SLC17A9: variants seen among roughly 807,000 people sequenced by gnomAD.
SLC17A9 encodes solute carrier family 17 member 9, also known as voltage-gated purine nucleotide uniporter SLC17A9.
Under a neutral mutation model 55.0 loss-of-function variants are expected in SLC17A9, and 49 were observed. The observed-to-expected ratio is 0.89, with a 90% confidence interval of 0.71 to 1.13. SLC17A9 has a LOEUF of 1.13. Among genes scored for constraint, SLC17A9 ranks in the 50% most tolerant of loss-of-function variants. The probability of loss-of-function intolerance (pLI) is 0.00; values close to 1 mark genes in which losing one functional copy is unlikely to be tolerated. For missense variants in SLC17A9, 526 were observed against 569.3 expected (o/e 0.92, Z 0.77); for synonymous variants, 256 against 247.4 (o/e 1.03, Z -0.32).
intron 12 of SLC17A9, chr20:62,967,002 C>T (rs1319306839): frequency 2.4e-5 from 14 of 576,602 alleles, no homozygotes; most frequent in Admixed American, 6.6e-5. Context: ...GGGACACCTC[C>T]TGGCCCCGCT....
chr20:62,955,050 T>G (rs1249750011), intron 1 of SLC17A9, among the ~76,000 whole-genome samples: 1 of 151,968 alleles, frequency 6.6e-6, no homozygotes, highest in African/African-American at 2.4e-5. Flanking sequence ...AACCTCGACC[T>G]CCTGGGCTCA....
At chr20:62,966,067 G>A (rs1837520802) in intron 10 of SLC17A9, among the ~76,000 whole-genome samples, 1 of 144,220 alleles carries the variant, frequency 6.9e-6, no homozygotes, top group East Asian at 2.1e-4. Flanking sequence ...CCAGTGGGTG[G>A]TTGGGGCTCG....
chr20:62,960,489 C>G lies in SLC17A9; in HGVS notation c.398-15C>G. ...CTGGATGGACCCTGAGAGACCCTCC[C>G]TCCACTTGTTGCAGGGGTTTACTTC... On this transcript the variant is annotated splice_polypyrimidine_tract_variant and intron_variant, in intron 3 of 12. Coordinates refer to ENST00000370351, the MANE Select transcript of SLC17A9 (RefSeq NM_022082.4). 1 of 1,608,540 alleles carries G rather than the reference C, an allele frequency of 6.2e-7. No homozygotes were observed. The highest frequency in any genetic ancestry group is 2.2e-5 in the East Asian group (1 of 44,750).
Position 62,963,369 on chromosome 20 carries a change from G to A in SLC17A9, c.725G>A (p.Trp242Ter). 2 of 1,613,298 alleles carry A rather than the reference G, an allele frequency of 1.2e-6. No individual in the cohort carries two copies. The highest frequency in any genetic ancestry group is 1.7e-6 in the Non-Finnish European group (2 of 1,179,844). ...CGGCTCTTCCGGAAGCCTGCTGTCT[G>A]GTGAGCTGGGACCTGTGCCACCCCT... ...WRRLFRKPAV[W>*]AAVVSQLSAA... is the part of the protein sequence containing the mutation. Residue 242 changes from tryptophan (W) to a stop codon, truncating the protein, a stop_gained and splice_region_variant, in exon 6 of 13, where the codon TGG becomes TAG. Transcript: ENST00000370351. LOFTEE classifies it high-confidence loss of function.
At chr20:62,955,277 A>G (rs1407217629) in intron 1 of SLC17A9, among the ~76,000 whole-genome samples, 3 of 150,536 alleles carry the variant, frequency 2.0e-5, no homozygotes, top group African/African-American at 7.4e-5. Context: ...CCTCCCAAGT[A>G]GCTGGGATTA....
chr20:62,965,353 C>A (rs1263106321), intron 9 of SLC17A9, among the ~76,000 whole-genome samples, 187 bp downstream of exon 9: 1 of 152,248 alleles, frequency 6.6e-6, no homozygotes, highest in Non-Finnish European at 1.5e-5. Context: ...AGGCTGGGGT[C>A]AGCATCCTGT....
chr20:62,960,165 A>ATG (rs1284592060), intron 3 of SLC17A9, among the ~76,000 whole-genome samples: 1 of 152,178 alleles, frequency 6.6e-6, no homozygotes, highest in Non-Finnish European at 1.5e-5. Context: ...GTGCAGGCGC[A>ATG]TGTGTGTGTG....
chr20:62,957,431 T>A lies in SLC17A9; in HGVS notation c.258-10T>A, dbSNP rs764002456. 1.3e-6 allele frequency: 2 copies of A among 1,568,806 alleles called. No individual in the cohort carries two copies. Among genetic ancestry groups the A allele is most frequent in the Non-Finnish European group, 1.7e-6 (2 of 1,159,518 alleles). On this transcript the variant is annotated splice_polypyrimidine_tract_variant and intron_variant, in intron 2 of 12. Coordinates refer to ENST00000370351, the MANE Select transcript of SLC17A9 (RefSeq NM_022082.4). The stretch of plus-strand genomic sequence containing the variant: ...AGCCACATCCTCACCTCCCTCTGTC[T>A]TCCCTCCAGGATTGGGGGTGAGAAG...
Position 62,956,819 on chromosome 20 carries a change from C to A in SLC17A9, c.114C>A (p.Tyr38Ter). 6.2e-7 allele frequency: 1 copy of A among 1,613,116 alleles called. No individual in the cohort carries two copies. Among genetic ancestry groups the A allele is most frequent in the African/African-American group, 1.3e-5 (1 of 75,060 alleles). Residue 38 changes from tyrosine to a stop codon, truncating the protein, a stop_gained, in exon 2 of 13, where the codon TAC becomes TAA. Coordinates refer to ENST00000370351, the MANE Select transcript of SLC17A9 (RefSeq NM_022082.4). LOFTEE classifies it high-confidence loss of function. The stretch of plus-strand genomic sequence containing the variant: ...TGCTGCTGGGCACATGCCTTCTGTA[C>A]TGCGCCCGCTCCAGCATGCCCATCT... ...GTLLLGTCLL[Y>*]CARSSMPICT...
intron 1 of SLC17A9, among the ~76,000 whole-genome samples, chr20:62,955,467 T>G (rs565316612): frequency 8.0e-4 from 121 of 152,194 alleles, no homozygotes; most frequent in Middle Eastern, 6.8e-3. Context: ...TTAAAGTTTT[T>G]TTTTGTTTTG....
chr20:62,960,359 C>T, intron 3 of SLC17A9, 145 bp from the exon 4 acceptor site: 1 of 719,838 alleles, frequency 1.4e-6, no homozygotes, highest in Non-Finnish European at 2.3e-6. Flanking sequence ...GCACCAAAAG[C>T]CCTGCCCTGC....
At chr20:62,963,140 C>T (rs975873753) in intron 5 of SLC17A9, 133 bp from the exon 6 acceptor site, 12 of 888,274 alleles carry the variant, frequency 1.4e-5, no homozygotes, top group Middle Eastern at 2.1e-4. Context: ...GGGAGGCTGG[C>T]GCCCATGTGC....
rs768556101 is a variant in SLC17A9, at chr20:62,956,908, GCTT to G, written c.209_211del (p.Phe70del). 3 of 1,613,688 alleles carry G rather than the reference GCTT, an allele frequency of 1.9e-6. 1 individual carries two copies. The South Asian group carries it at 3.3e-5, about 18-fold the overall frequency. On this transcript the variant is annotated inframe_deletion, in exon 2 of 13. Coordinates refer to ENST00000370351, the MANE Select transcript of SLC17A9 (RefSeq NM_022082.4). ...AAGGAGGCCGGCATCGTGCTCAGCA[GCTT>G]CTTCTGGGGCTACTGCCTGACACAG...
chr20:62,960,490 T>C lies in SLC17A9; in HGVS notation c.398-14T>C, dbSNP rs1448433238. 3 of 1,609,104 alleles carry C rather than the reference T, an allele frequency of 1.9e-6. No individual in the cohort carries two copies. The highest frequency in any genetic ancestry group is 2.5e-6 in the Non-Finnish European group (3 of 1,178,396). On this transcript the variant is annotated splice_polypyrimidine_tract_variant and intron_variant, in intron 3 of 12. Coordinates refer to ENST00000370351, the MANE Select transcript of SLC17A9 (RefSeq NM_022082.4). ...TGGATGGACCCTGAGAGACCCTCCC[T>C]CCACTTGTTGCAGGGGTTTACTTCC...
At chr20:62,957,608 C>T (rs760681574) in intron 3 of SLC17A9, 28 bp downstream of exon 3, 35 of 1,500,632 alleles carry the variant, frequency 2.3e-5, no homozygotes, top group African/African-American at 5.6e-5. Flanking sequence ...GGCTCCCTCA[C>T]GCTCTCTGGC....
In SLC17A9 at chr20:62,956,864, G is replaced by GA. The variant is rs1484622102; in HGVS notation, c.159_160insA (p.Asp54ArgfsTer37). ...CCATCTGCACCGTCTCCATGAGCCA[G>GA]GACTTCGGCTGGAACAAGAAGGAGG... On this transcript the variant is annotated frameshift_variant, in exon 2 of 13. Transcript: ENST00000370351. LOFTEE classifies it high-confidence loss of function. The GA allele has an allele frequency of 1.2e-6, 2 of 1,613,584 alleles. No homozygotes were observed. The highest frequency in any genetic ancestry group is 2.2e-5 in the East Asian group (1 of 44,886).
intron 3 of SLC17A9, among the ~76,000 whole-genome samples, chr20:62,960,297 G>T (rs2065578153): frequency 6.6e-6 from 1 of 152,246 alleles, no homozygotes; most frequent in African/African-American, 2.4e-5. Context: ...CAGCCGTGCG[G>T]GTGGCACGAC....
In SLC17A9 at chr20:62,957,458, T is replaced by C; in HGVS notation, c.275T>C (p.Val92Ala). 6.3e-7 allele frequency: 1 copy of C among 1,598,048 alleles called. No individual in the cohort carries two copies. ...HLGDRIGGEK[V>A]ILLSASAWGS... is the part of the protein sequence containing the mutation. Reference sequence around the variant, plus strand: ...CCCTCCAGGATTGGGGGTGAGAAGGTCATCCTGCTGTCAGCCTCTGCCTGG... The same window carrying C: ...CCCTCCAGGATTGGGGGTGAGAAGGCCATCCTGCTGTCAGCCTCTGCCTGG... Residue 92 changes from valine (V) to alanine (A), a missense_variant, in exon 3 of 13, where the codon GTC becomes GCC. Val to Ala is a moderately conservative substitution (Grantham distance 64). Transcript: ENST00000370351.
chr20:62,957,635 A>T (rs1362851750), intron 3 of SLC17A9, 55 bp downstream of exon 3: 4 of 1,442,282 alleles, frequency 2.8e-6, no homozygotes, highest in Admixed American at 2.5e-5. Context: ...TGGGGAGACA[A>T]GGGGGGTGTG....
Sources: gnomAD v4.1 joint callset for allele counts (sites outside exome capture counted in the v4.1 genomes callset) on GRCh38, gnomAD v4.1.1 for gene constraint, MANE v1.5 for transcripts, NCBI Gene and HGNC (gene_info 2026-07-23, HGNC 2026-07-21) for gene names.